GYPC: variants seen among roughly 807,000 people sequenced by gnomAD.
The protein encoded by GYPC is glycophorin C (Gerbich blood group).
Under a neutral mutation model 12.6 loss-of-function variants are expected in GYPC, and 14 were observed. The observed-to-expected ratio is 1.11, with a 90% CI of 0.74 to 1.74. The LOEUF (loss-of-function observed/expected upper bound fraction) is 1.74. GYPC is among the 40% of genes most tolerant of loss of function. The pLI is 0.00. For missense variants in GYPC, 225 were observed against 172.1 expected, an observed-to-expected ratio of 1.31 and a Z score of -1.72; for synonymous variants, 78 against 62.1, an observed-to-expected ratio of 1.26 and a Z score of -1.20.
At chr2:126,681,851 C>G (rs1392891722) in intron 1 of GYPC, among the ~76,000 whole-genome samples, 2 of 152,082 alleles carry the variant, frequency 1.3e-5, no homozygotes, top group Non-Finnish European at 2.9e-5. Flanking sequence ...TCAAAATGGT[C>G]TGGCCATGAG....
At chr2:126,664,212 T>C (rs1682619903) in intron 1 of GYPC, among the ~76,000 whole-genome samples, 1 of 152,192 alleles carries the variant, frequency 6.6e-6, no homozygotes, top group Non-Finnish European at 1.5e-5. Flanking sequence ...CATAGTCTTT[T>C]TTTTTTCTTT....
chr2:126,687,415 C>T (rs1328600547), intron 1 of GYPC, among the ~76,000 whole-genome samples: 1 of 152,246 alleles, frequency 6.6e-6, no homozygotes, highest in East Asian at 1.9e-4. Flanking sequence ...CTAACAGGCT[C>T]CCAGAGGATG....
intron 3 of GYPC, 58 bp downstream of exon 3, chr2:126,694,005 A>C: frequency 1.7e-6 from 2 of 1,162,994 alleles, no homozygotes; most frequent in Middle Eastern, 3.9e-4. Context: ...TGGTGAAAAC[A>C]TCCAGGGGAG....
chr2:126,674,609 G>C (rs895112833), intron 1 of GYPC, among the ~76,000 whole-genome samples: 2 of 152,200 alleles, frequency 1.3e-5, no homozygotes, highest in Non-Finnish European at 2.9e-5. Context: ...AGACTCTACT[G>C]CTCCCATGTG....
At chr2:126,662,619 C>A (rs1301238130) in intron 1 of GYPC, among the ~76,000 whole-genome samples, 2 of 152,192 alleles carry the variant, frequency 1.3e-5, no homozygotes, top group African/African-American at 4.8e-5. Context: ...TGCTCTGTCA[C>A]TGCTATCTTC....
intron 1 of GYPC, among the ~76,000 whole-genome samples, chr2:126,676,308 C>T (rs1682993684): frequency 6.6e-6 from 1 of 152,150 alleles, no homozygotes; most frequent in South Asian, 2.1e-4. Context: ...TGCTAAGAAC[C>T]CTGATGATAA....
intron 2 of GYPC, among the ~76,000 whole-genome samples, 154 bp from the exon 3 acceptor site, chr2:126,693,710 G>A (rs190719273): frequency 1.3e-5 from 2 of 152,292 alleles, no homozygotes; most frequent in Admixed American, 1.3e-4. Flanking sequence ...GTGCATCCCT[G>A]CTAGGAGCAG....
At chr2:126,672,209 G>T (rs75655755) in intron 1 of GYPC, among the ~76,000 whole-genome samples, 5 of 152,116 alleles carry the variant, frequency 3.3e-5, no homozygotes, top group East Asian at 3.9e-4. Context: ...AGCCTTCAAG[G>T]CCCCTCCAGA....
intron 1 of GYPC, 144 bp from the exon 2 acceptor site, chr2:126,690,111 G>A (rs1683411984): frequency 2.8e-6 from 2 of 727,210 alleles, no homozygotes; most frequent in Admixed American, 2.0e-5. Flanking sequence ...CTAGGAGTCG[G>A]TGGGTGCACC....
chr2:126,681,782 AAAAAAAAAAAAAG>A (rs1210851511), intron 1 of GYPC, among the ~76,000 whole-genome samples: 2 of 141,074 alleles, frequency 1.4e-5, no homozygotes, highest in African/African-American at 2.5e-5. Flanking sequence ...TTCATCCAAA[AAAAAAAAAAAAAG>A]AAAGAAAGAA....
rs1211006481 is a variant in GYPC, at chr2:126,696,475, G to A, written c.*333G>A. ...ACTGGCAGGAAAGTCCTTGTTGAGG[G>A]TGAGGGGGTGCTGGGGTACCCGGGG... On this transcript the variant is annotated 3_prime_UTR_variant, in exon 4 of 4. Transcript: ENST00000259254. The A allele has an allele frequency of 2.6e-6, 1 of 378,042 alleles. No homozygotes were observed. Among genetic ancestry groups the A allele is most frequent in the Non-Finnish European group, 5.1e-6 (1 of 196,868 alleles). The allele number at this position is 378,042 out of a possible 1,614,324, so 23.4% of individuals were successfully genotyped here.
chr2:126,665,440 A>G (rs1682651038), intron 1 of GYPC, among the ~76,000 whole-genome samples: 1 of 152,236 alleles, frequency 6.6e-6, no homozygotes, highest in South Asian at 2.1e-4. Context: ...GGTTTCAGGC[A>G]TCCGCTGGGG....
intron 2 of GYPC, among the ~76,000 whole-genome samples, chr2:126,693,448 C>G (rs1342514685): frequency 6.6e-6 from 1 of 152,140 alleles, no homozygotes; most frequent in Non-Finnish European, 1.5e-5. Flanking sequence ...AAGTATTCAG[C>G]TATAGCAACA....
intron 1 of GYPC, among the ~76,000 whole-genome samples, chr2:126,676,619 G>A (rs2104787607): frequency 6.6e-6 from 1 of 152,318 alleles, no homozygotes; most frequent in East Asian, 1.9e-4. Context: ...GCCTTTAAAA[G>A]ATTAATGTTG....
chr2:126,690,273 C>A lies in GYPC; in HGVS notation c.68C>A (p.Ala23Asp), dbSNP rs1328038301. 5.6e-6 allele frequency: 9 copies of A among 1,612,728 alleles called. No homozygotes were observed. Among genetic ancestry groups the A allele is most frequent in the Non-Finnish European group, 7.6e-6 (9 of 1,178,816 alleles). Reference sequence around the variant, plus strand: ...TTCACAGAGCCTGATCCGGGGATGGCCTCTGCCTCCACCACAATGCATACT... The same window carrying A: ...TTCACAGAGCCTGATCCGGGGATGGACTCTGCCTCCACCACAATGCATACT... ...PLSLEPDPGM[A>D]SASTTMHTTT... The change falls in exon 2 of 4, where the codon GCC becomes GAC. Residue 23 changes from alanine (A) to aspartate (D), a missense_variant. Ala to Asp is a moderately radical substitution (Grantham distance 126). Coordinates refer to ENST00000259254, the MANE Select transcript of GYPC (RefSeq NM_002101.5).
intron 1 of GYPC, among the ~76,000 whole-genome samples, chr2:126,671,213 T>A (rs907439721): frequency 6.6e-6 from 1 of 152,264 alleles, no homozygotes; most frequent in East Asian, 1.9e-4. Flanking sequence ...TCTTGTAGTC[T>A]TCCCCTCTCT....
intron 1 of GYPC, among the ~76,000 whole-genome samples, chr2:126,682,124 T>C (rs1236912123): frequency 6.6e-6 from 1 of 152,204 alleles, no homozygotes; most frequent in African/African-American, 2.4e-5. Context: ...CAGATGCTGA[T>C]TGGGATACAC....
chr2:126,673,408 G>T (rs967866901), intron 1 of GYPC, among the ~76,000 whole-genome samples: 3 of 152,156 alleles, frequency 2.0e-5, no homozygotes, highest in African/African-American at 7.2e-5. Flanking sequence ...GGGTGGAGAA[G>T]GTGATCACGT....
chr2:126,671,326 A>G (rs1682848789), intron 1 of GYPC, among the ~76,000 whole-genome samples: 1 of 152,248 alleles, frequency 6.6e-6, no homozygotes, highest in Non-Finnish European at 1.5e-5. Flanking sequence ...AGGGAGAGCC[A>G]GAGCAGGTGC....
Sources: gnomAD v4.1 joint callset for allele counts (sites outside exome capture counted in the v4.1 genomes callset) on GRCh38, gnomAD v4.1.1 for gene constraint, MANE v1.5 for transcripts, NCBI Gene and HGNC (gene_info 2026-07-23, HGNC 2026-07-21) for gene names.